The following GULP1 variants were observed in gnomAD, a reference collection of about 807,000 sequenced individuals.
GULP1 encodes the protein PTB domain-containing engulfment adapter protein 1.
A neutral mutation model predicts 40.9 loss-of-function variants in GULP1; 19 were observed. That is an observed-to-expected ratio of 0.46 (90% CI 0.32 to 0.68). GULP1 has a LOEUF of 0.68. GULP1 is among the 30% of genes least tolerant of loss of function. The probability of loss-of-function intolerance (pLI) is 0.03; values close to 1 mark genes in which losing one functional copy is unlikely to be tolerated. For synonymous variants in GULP1, 119 were observed against 117.6 expected (o/e 1.01, Z -0.08); for missense variants, 312 against 362.2 (o/e 0.86, Z 1.12).
chr2:188,296,526 A>T (rs1045753403), intron 1 of GULP1, among the ~76,000 whole-genome samples: 1 of 152,118 alleles, frequency 6.6e-6, no homozygotes, highest in African/African-American at 2.4e-5. Context: ...TTGAAATGGT[A>T]TAGTTATGGC....
intron 1 of GULP1, among the ~76,000 whole-genome samples, chr2:188,378,393 A>G (rs2152482316): frequency 6.6e-6 from 1 of 152,352 alleles, no homozygotes; most frequent in South Asian, 2.1e-4. Flanking sequence ...TTAATGATAT[A>G]AGAATATGAT....
At chr2:188,399,598 A>C (rs1436606417) in intron 2 of GULP1, among the ~76,000 whole-genome samples, 1 of 148,950 alleles carries the variant, frequency 6.7e-6, no homozygotes, top group African/African-American at 2.5e-5. Flanking sequence ...TTATATCTGT[A>C]ATCCCAGCAC....
chr2:188,300,357 A>G lies in GULP1; in HGVS notation c.-172+8191A>G, dbSNP rs569884304. 3.1e-3 allele frequency among the ~76,000 whole-genome samples: 467 copies of G among 152,308 alleles called. 1 individual carries two copies. The highest frequency in any genetic ancestry group is 6.8e-3 in the Middle Eastern group (2 of 294). Reference sequence around the variant, plus strand: ...GCCAGTATTAACAATTTTTATGAATAATATTGAAAAAATAATTTTTTTCTG... The same window carrying G: ...GCCAGTATTAACAATTTTTATGAATGATATTGAAAAAATAATTTTTTTCTG... On this transcript the variant is annotated intron_variant, in intron 1 of 11. Transcript: ENST00000409830.
chr2:188,455,563 C>A (rs1038767608), intron 2 of GULP1, among the ~76,000 whole-genome samples: 1 of 152,166 alleles, frequency 6.6e-6, no homozygotes. Context: ...TTTGAGGCCT[C>A]CCCAGCCATG....
chr2:188,300,167 A>G (rs2106035306), intron 1 of GULP1, among the ~76,000 whole-genome samples: 1 of 152,286 alleles, frequency 6.6e-6, no homozygotes, highest in Non-Finnish European at 1.5e-5. Context: ...TTTCATATTT[A>G]TATTTAATTT....
At chr2:188,525,945 T>C (rs1686062527) in intron 5 of GULP1, among the ~76,000 whole-genome samples, 1 of 152,126 alleles carries the variant, frequency 6.6e-6, no homozygotes, top group African/African-American at 2.4e-5. Context: ...ATACTTTAAA[T>C]TAAAAATATA....
intron 1 of GULP1, among the ~76,000 whole-genome samples, chr2:188,362,582 G>C (rs6736410): frequency 1 from 151,498 of 152,214 alleles, 75,396 homozygotes; most frequent in East Asian, 1. Context: ...ACAGGTAAAC[G>C]TGTTAAAGGT....
intron 4 of GULP1, among the ~76,000 whole-genome samples, chr2:188,512,035 G>A (rs1195070943): frequency 2.6e-5 from 4 of 151,976 alleles, no homozygotes; most frequent in Non-Finnish European, 5.9e-5. Context: ...TTTAAAAATG[G>A]CTTTTTCTGT....
chr2:188,461,917 T>C (rs2059739229), intron 2 of GULP1, among the ~76,000 whole-genome samples: 1 of 152,154 alleles, frequency 6.6e-6, no homozygotes, highest in East Asian at 1.9e-4. Flanking sequence ...GTTTTCTTCA[T>C]TTTAATTTTA....
chr2:188,446,390 T>C (rs919596131), intron 2 of GULP1, among the ~76,000 whole-genome samples: 1 of 152,168 alleles, frequency 6.6e-6, no homozygotes, highest in Non-Finnish European at 1.5e-5. Flanking sequence ...AAGACCCTAT[T>C]ATGCAAACCG....
intron 6 of GULP1, among the ~76,000 whole-genome samples, chr2:188,529,821 T>C (rs1687116302): frequency 6.6e-6 from 1 of 152,166 alleles, no homozygotes; most frequent in Admixed American, 6.5e-5. Flanking sequence ...ACCATACTCA[T>C]GGCCTTATTT....
intron 1 of GULP1, among the ~76,000 whole-genome samples, chr2:188,355,979 A>G (rs1311777033): frequency 6.6e-6 from 1 of 152,142 alleles, no homozygotes; most frequent in African/African-American, 2.4e-5. Flanking sequence ...ATAAAATTCA[A>G]CACATCTGTT....
At chr2:188,456,373 A>G (rs954603017) in intron 2 of GULP1, among the ~76,000 whole-genome samples, 94 of 152,268 alleles carry the variant, frequency 6.2e-4, no homozygotes, top group African/African-American at 2.2e-3. Flanking sequence ...TGCTGTGTGC[A>G]GCCTAGGAAC....
chr2:188,403,822 G>C (rs2052659282), intron 2 of GULP1, among the ~76,000 whole-genome samples: 1 of 152,158 alleles, frequency 6.6e-6, no homozygotes, highest in African/African-American at 2.4e-5. Context: ...CAGCAGAGGA[G>C]CAATCAAGTA....
chr2:188,319,381 G>A (rs1236151238), intron 1 of GULP1, among the ~76,000 whole-genome samples: 1 of 152,032 alleles, frequency 6.6e-6, no homozygotes, highest in Non-Finnish European at 1.5e-5. Context: ...ACAAAATTTT[G>A]ACCATTTTCA....
chr2:188,313,794 ATTTATTTTATTGAGAATTGGTAT>A (rs1218984859), intron 1 of GULP1, among the ~76,000 whole-genome samples: 5 of 151,338 alleles, frequency 3.3e-5, no homozygotes, highest in East Asian at 3.9e-4. Context: ...TTTCTCTTTT[ATTTATTTTATTGAGAATTGGTAT>A]TTTATTTTAT....
intron 2 of GULP1, among the ~76,000 whole-genome samples, chr2:188,447,386 C>T (rs1485976231): frequency 2.6e-5 from 4 of 152,086 alleles, no homozygotes; most frequent in Admixed American, 6.5e-5. Flanking sequence ...TTTGGATTGC[C>T]CTGGCCGAGA....
chr2:188,328,988 T>C (rs1221412624), intron 1 of GULP1, among the ~76,000 whole-genome samples: 1 of 152,168 alleles, frequency 6.6e-6, no homozygotes, highest in Non-Finnish European at 1.5e-5. Context: ...TCACTTGCAA[T>C]GCAAAAGGGT....
rs528270010 is a variant in GULP1 at position 188,541,352 on chromosome 2, C to T, written c.399+34C>T. 29 of 1,592,246 alleles carry T rather than the reference C, an allele frequency of 1.8e-5. No homozygotes were observed. The South Asian group carries it at 3.2e-4, about 18-fold the overall frequency. ...CCCAGATGTTGTAGGGTGGTTTGTT[C>T]TGTTTTATAAGCCAGGAATTGTCTT... On this transcript the variant is annotated intron_variant, in intron 7 of 11. Transcript: ENST00000409830.
Sources: gnomAD v4.1 joint callset for allele counts (sites outside exome capture counted in the v4.1 genomes callset) on GRCh38, gnomAD v4.1.1 for gene constraint, MANE v1.5 for transcripts, NCBI Gene and HGNC (gene_info 2026-07-23, HGNC 2026-07-21) for gene names.